SLC13A4: variants seen among roughly 807,000 people sequenced by gnomAD.
SLC13A4 encodes the protein solute carrier family 13 member 4.
Under a neutral mutation model 72.7 loss-of-function variants are expected in SLC13A4, and 28 were observed. That is an observed-to-expected ratio of 0.39 (90% CI 0.29 to 0.53). SLC13A4 has a LOEUF of 0.53. SLC13A4 is among the 20% of genes least tolerant of loss of function. SLC13A4 has a pLI of 0.78. For missense variants in SLC13A4, 653 were observed against 788.0 expected (o/e 0.83, Z 2.05); for synonymous variants, 312 against 325.5 (o/e 0.96, Z 0.45).
At chr7:135,714,001 T>C (rs1012757854) in intron 2 of SLC13A4, among the ~76,000 whole-genome samples, 1 of 152,186 alleles carries the variant, frequency 6.6e-6, no homozygotes, top group African/African-American at 2.4e-5. Context: ...CCAGTTAGTG[T>C]CCAAGCAGCA....
rs1450346080 is a variant in SLC13A4, at chr7:135,692,435, A to G, written c.1122-11T>C. On this transcript the variant is annotated splice_polypyrimidine_tract_variant and intron_variant, in intron 10 of 15. Transcript: ENST00000682651. ...ACCATTTCTGGGTAGCTATAAAATA[A>G]AACAGAAAGACCCACTCAGGAACTG... 1 of 1,584,604 alleles carries G rather than the reference A, an allele frequency of 6.3e-7. No individual in the cohort carries two copies. The highest frequency in any genetic ancestry group is 1.1e-5 in the South Asian group (1 of 88,080).
chr7:135,683,494 C>T (rs991531865), intron 15 of SLC13A4: 2 of 982,022 alleles, frequency 2.0e-6, no homozygotes, highest in Admixed American at 1.2e-4. Flanking sequence ...CCCCGCTCAG[C>T]CCTGGATACT....
intron 3 of SLC13A4, chr7:135,707,782 C>G (rs1177977105): frequency 5.0e-6 from 1 of 200,504 alleles, no homozygotes. Flanking sequence ...CCAGCCTGTT[C>G]CCTGATACAC....
At position 135,706,015 on chromosome 7, in the gene SLC13A4, G is replaced by A; in HGVS notation, c.538+113C>T. ...GGAAGGGGAATGTGGGGGCATGGCT[G>A]AGGGGGTCCTGGGGTGGGCACAAAG... On this transcript the variant is annotated intron_variant, in intron 4 of 15. Transcript: ENST00000682651. 5 of 1,002,028 alleles carry A rather than the reference G, an allele frequency of 5.0e-6. No homozygotes were observed. The South Asian group carries it at 5.6e-5, about 11-fold the overall frequency. The allele number at this position is 1,002,028 out of a possible 1,614,324, so 62.1% of individuals were successfully genotyped here. A position where few individuals can be genotyped will look rare whatever the true frequency, so the allele number is the denominator to read the frequency against.
chr7:135,691,826 G>T, intron 11 of SLC13A4, 181 bp from the exon 12 acceptor site: 1 of 555,234 alleles, frequency 1.8e-6, no homozygotes, highest in Non-Finnish European at 3.2e-6. Flanking sequence ...GGGCAATGGC[G>T]AATGTCTGGA....
At chr7:135,703,980 A>T (rs1011218381) in intron 5 of SLC13A4, 1 of 152,174 alleles carries the variant, frequency 6.6e-6, no homozygotes, top group Non-Finnish European at 1.5e-5. Context: ...CCAGCAAATG[A>T]CCCAGTTCCC....
At chr7:135,724,357 T>G (rs956211075) in intron 1 of SLC13A4, among the ~76,000 whole-genome samples, 2 of 151,508 alleles carry the variant, frequency 1.3e-5, no homozygotes, top group Non-Finnish European at 2.9e-5. Flanking sequence ...TTCATCCAGG[T>G]GTGGTGGCAC....
chr7:135,699,963 C>G (rs1276712880), intron 7 of SLC13A4, among the ~76,000 whole-genome samples: 2 of 152,104 alleles, frequency 1.3e-5, no homozygotes, highest in East Asian at 3.9e-4. Flanking sequence ...GTTAGAATGA[C>G]AGGATTTGGC....
intron 13 of SLC13A4, among the ~76,000 whole-genome samples, chr7:135,686,178 G>A (rs1795617874): frequency 6.6e-6 from 1 of 152,212 alleles, no homozygotes; most frequent in East Asian, 1.9e-4. Context: ...CCTTTCCTGT[G>A]TTTTTAAGGA....
intron 3 of SLC13A4, chr7:135,707,817 C>G (rs571342577): frequency 7.2e-5 from 19 of 265,010 alleles, no homozygotes; most frequent in Non-Finnish European, 1.1e-4. Context: ...GAAACAATTT[C>G]TCTTGGTCCA....
At position 135,703,304 on chromosome 7, in the gene SLC13A4, G is replaced by A. The variant is rs1012087617; in HGVS notation, c.594-420C>T. Reference sequence around the variant, plus strand: ...GGCAGAGGAGGGTAGGAGTCCAGGAGTCTGTCTCTCTGGAAAGCCTATGCC... The same window carrying A: ...GGCAGAGGAGGGTAGGAGTCCAGGAATCTGTCTCTCTGGAAAGCCTATGCC... On this transcript the variant is annotated intron_variant, in intron 5 of 15. Transcript: ENST00000682651. The A allele has an allele frequency of 2.3e-5, 4 of 177,554 alleles. No individual in the cohort carries two copies. In the South Asian group the frequency reaches 3.9e-4, roughly 17 times the overall value. The allele number at this position is 177,554 out of a possible 1,614,324, so 11.0% of individuals were successfully genotyped here.
At chr7:135,710,971 G>A (rs887525795) in intron 2 of SLC13A4, among the ~76,000 whole-genome samples, 4 of 151,234 alleles carry the variant, frequency 2.6e-5, no homozygotes, top group Admixed American at 6.6e-5. Context: ...ACTCTGAGAG[G>A]GCGGTGATCA....
chr7:135,697,123 A>G (rs562161900), intron 8 of SLC13A4, among the ~76,000 whole-genome samples: 86 of 152,370 alleles, frequency 5.6e-4, no homozygotes, highest in African/African-American at 2.0e-3. Flanking sequence ...ATATCCAGGC[A>G]GGGACAGCAG....
chr7:135,704,550 A>T (rs550883787), intron 5 of SLC13A4: 1 of 146,998 alleles, frequency 6.8e-6, no homozygotes, highest in East Asian at 2.2e-4. Flanking sequence ...GACAGAAAGA[A>T]GCTCAACTCC....
chr7:135,681,706 G>A lies in SLC13A4; in HGVS notation c.1747-6C>T. ...ACTCCCAGGCCAGCTTTCACCTGCAGGACACAAACCAGCACACCCTAGTCA... is the reference window on the plus strand; with the variant it reads ...ACTCCCAGGCCAGCTTTCACCTGCAAGACACAAACCAGCACACCCTAGTCA... On this transcript the variant is annotated splice_region_variant and splice_polypyrimidine_tract_variant and intron_variant, in intron 15 of 15. Transcript: ENST00000682651. 2 of 1,612,294 alleles carry A rather than the reference G, an allele frequency of 1.2e-6. No homozygotes were observed. The highest frequency in any genetic ancestry group is 1.7e-6 in the Non-Finnish European group (2 of 1,179,096).
intron 2 of SLC13A4, among the ~76,000 whole-genome samples, chr7:135,716,960 T>G (rs776323996): frequency 3.9e-5 from 6 of 152,222 alleles, no homozygotes; most frequent in African/African-American, 7.2e-5. Context: ...CTTTTTCGCA[T>G]GAACTGCTGG....
chr7:135,710,566 G>C (rs1232017975), intron 2 of SLC13A4, among the ~76,000 whole-genome samples: 2 of 151,814 alleles, frequency 1.3e-5, no homozygotes, highest in Non-Finnish European at 2.9e-5. Context: ...GACTCTGAGG[G>C]TGGGGTGGGA....
chr7:135,715,429 G>T (rs543490190), intron 2 of SLC13A4, among the ~76,000 whole-genome samples: 1 of 151,602 alleles, frequency 6.6e-6, no homozygotes, highest in South Asian at 2.1e-4. Context: ...GAGTGTGTGA[G>T]CGTGTGTATG....
chr7:135,701,921 A>G, intron 6 of SLC13A4, 161 bp from the exon 7 acceptor site: 1 of 596,114 alleles, frequency 1.7e-6, no homozygotes. Context: ...CACCTCAGCC[A>G]GGCCTGCCCC....
Sources: allele counts gnomAD v4.1 joint callset (sites outside exome capture counted in the v4.1 genomes callset), GRCh38; gene constraint gnomAD v4.1.1; transcripts MANE v1.5; gene names NCBI Gene and HGNC (gene_info 2026-07-23, HGNC 2026-07-21).